Variants in JHY observed in about 807,000 individuals in gnomAD.
JHY encodes junctional cadherin complex regulator.
A neutral mutation model predicts 78.0 loss-of-function variants in JHY; 69 were observed. The ratio of observed to expected loss-of-function variants is 0.88; its 90% confidence interval spans 0.73 to 1.08. The LOEUF (loss-of-function observed/expected upper bound fraction) is 1.08, where lower values mean the gene tolerates loss of function less well. JHY is among the 50% of genes least tolerant of loss of function. The pLI, the probability that JHY is intolerant of heterozygous loss-of-function variation, is 0.00. For synonymous variants in JHY, 368 were observed against 342.6 expected (o/e 1.07, Z -0.82); for missense variants, 944 against 927.8 (o/e 1.02, Z -0.23).
chr11:122,944,918 C>G (rs1863934436), intron 5 of JHY, among the ~76,000 whole-genome samples: 1 of 151,682 alleles, frequency 6.6e-6, no homozygotes, highest in Non-Finnish European at 1.5e-5. Context: ...TAAGTGTTTC[C>G]TCTGGTTTTG....
intron 4 of JHY, among the ~76,000 whole-genome samples, chr11:122,933,649 T>A (rs1352387989): frequency 6.6e-6 from 1 of 152,222 alleles, no homozygotes; most frequent in African/African-American, 2.4e-5. Flanking sequence ...TTCACAGATG[T>A]CCTATCACAG....
At chr11:122,903,323 ATC>A (rs1862903018) in intron 2 of JHY, among the ~76,000 whole-genome samples, 1 of 152,206 alleles carries the variant, frequency 6.6e-6, no homozygotes, top group Non-Finnish European at 1.5e-5. Flanking sequence ...CATTATAGAT[ATC>A]TGTTTTTCAG....
At chr11:122,905,381 G>C in intron 3 of JHY, 1 of 1,490,686 alleles carries the variant, frequency 6.7e-7, no homozygotes, top group Non-Finnish European at 8.9e-7. Flanking sequence ...GCTAATGTGA[G>C]GTCATTTTCA....
chr11:122,943,392 C>T (rs1449544452), intron 5 of JHY, among the ~76,000 whole-genome samples: 1 of 152,096 alleles, frequency 6.6e-6, no homozygotes, highest in Non-Finnish European at 1.5e-5. Context: ...GTCAATGTAA[C>T]CAAATGTTCC....
At position 122,960,956 on chromosome 11, in the gene JHY, T is replaced by C. The variant is rs1864300926; in HGVS notation, c.*1511T>C. On this transcript the variant is annotated 3_prime_UTR_variant, in exon 9 of 9. Coordinates refer to ENST00000227349, the MANE Select transcript of JHY (RefSeq NM_024806.4). ...ATATATCTGTGCAGAACATGATGCG[T>C]TGAAAGGAACAAGAGCACATGATAA... 1.3e-6 allele frequency: 1 copy of C among 745,602 alleles called. No individual in the cohort carries two copies. The highest frequency in any genetic ancestry group is 2.5e-6 in the Non-Finnish European group (1 of 402,150). 46.2% of individuals were successfully genotyped at this position (745,602 alleles called of 1,614,324 possible). A position where few individuals can be genotyped will look rare whatever the true frequency, so the allele number is the denominator to read the frequency against.
chr11:122,885,022 G>T lies in JHY; in HGVS notation c.-89-739G>T, dbSNP rs116540718. ...ATGGGGTTTTGCCATGTTGCCCGGG[G>T]TGGTCTTGAACTCCTGGACTTAAGC... On this transcript the variant is annotated intron_variant, in intron 1 of 8. Coordinates refer to ENST00000227349, the MANE Select transcript of JHY (RefSeq NM_024806.4). Among the ~76,000 whole-genome samples, 988 of 150,830 alleles carry T rather than the reference G, an allele frequency of 6.6e-3. 18 individuals are homozygous for T. Among genetic ancestry groups the T allele is most frequent in the African/African-American group, 0.023 (941 of 40,996 alleles).
In JHY at chr11:122,926,373, C is replaced by G. The variant is rs534688407; in HGVS notation, c.978+1363C>G. On this transcript the variant is annotated intron_variant, in intron 4 of 8. Transcript: ENST00000227349. ...TAGAGCCTGTTGACATCAGTTAAAA[C>G]TATATACAGTGATAAACATAGTAAA... is the stretch of plus-strand genomic sequence containing the variant. Among the ~76,000 whole-genome samples, 294 of 152,182 alleles carry G rather than the reference C, an allele frequency of 1.9e-3. 3 individuals carry two copies. Among genetic ancestry groups the G allele is most frequent in the African/African-American group, 6.7e-3 (279 of 41,528 alleles).
Position 122,886,319 on chromosome 11 carries a change from C to T in JHY, c.344+126C>T, listed in dbSNP as rs1862496610. ...TGAGCGCCGTGTGTGAGACAGGTCT[C>T]CAAGCAGCCAAGGATAGCTGGGCAC... On this transcript the variant is annotated intron_variant, in intron 2 of 8. Coordinates refer to ENST00000227349, the MANE Select transcript of JHY (RefSeq NM_024806.4). 9 of 862,404 alleles carry T rather than the reference C, an allele frequency of 1.0e-5. 1 individual carries two copies. Among genetic ancestry groups the T allele is most frequent in the South Asian group, 6.0e-5 (3 of 49,604 alleles). The allele number at this position is 862,404 out of a possible 1,614,324, so 53.4% of individuals were successfully genotyped here. A position where few individuals can be genotyped will look rare whatever the true frequency, so the allele number is the denominator to read the frequency against.
At chr11:122,953,531 G>A (rs1474314331) in intron 6 of JHY, among the ~76,000 whole-genome samples, 3 of 151,674 alleles carry the variant, frequency 2.0e-5, no homozygotes, top group African/African-American at 7.3e-5. Context: ...GAAACTGGGA[G>A]GTGGAGGTTG....
At chr11:122,936,147 A>G (rs936000251) in intron 5 of JHY, among the ~76,000 whole-genome samples, 1 of 152,204 alleles carries the variant, frequency 6.6e-6, no homozygotes, top group African/African-American at 2.4e-5. Context: ...AAATTACTTC[A>G]GGCACCATTT....
chr11:122,961,084 T>G lies in JHY; in HGVS notation c.*1639T>G. ...AAGAAGACTCATGCACAGCCAGTTA[T>G]GTAAATGTATCTATCCCAATTGAGA... On this transcript the variant is annotated 3_prime_UTR_variant, in exon 9 of 9. Coordinates refer to ENST00000227349, the MANE Select transcript of JHY (RefSeq NM_024806.4). 9.8e-7 allele frequency: 1 copy of G among 1,015,558 alleles called. No homozygotes were observed. Among genetic ancestry groups the G allele is most frequent in the Non-Finnish European group, 1.5e-6 (1 of 653,224 alleles). 62.9% of individuals were successfully genotyped at this position (1,015,558 alleles called of 1,614,324 possible).
At chr11:122,908,691 G>A (rs544273110) in intron 3 of JHY, among the ~76,000 whole-genome samples, 5 of 152,188 alleles carry the variant, frequency 3.3e-5, no homozygotes, top group Non-Finnish European at 7.4e-5. Context: ...GGAGGCTCTT[G>A]GTTTGTTTTG....
intron 5 of JHY, among the ~76,000 whole-genome samples, chr11:122,937,668 C>T (rs757201521): frequency 1.2e-4 from 19 of 152,084 alleles, no homozygotes; most frequent in Non-Finnish European, 2.4e-4. Context: ...GACTGCGTTC[C>T]GCTGTTGTTG....
At chr11:122,889,182 G>A (rs147076878) in intron 2 of JHY, among the ~76,000 whole-genome samples, 14 of 152,276 alleles carry the variant, frequency 9.2e-5, no homozygotes, top group Non-Finnish European at 2.1e-4. Context: ...ACTTTTCTCT[G>A]ATAACTTGTG....
chr11:122,892,983 A>G lies in JHY; in HGVS notation c.344+6790A>G, dbSNP rs970099079. 3.3e-5 allele frequency among the ~76,000 whole-genome samples: 5 copies of G among 152,174 alleles called. No individual in the cohort carries two copies. The East Asian group carries it at 9.6e-4, about 29-fold the overall frequency. On this transcript the variant is annotated intron_variant, in intron 2 of 8. Coordinates refer to ENST00000227349, the MANE Select transcript of JHY (RefSeq NM_024806.4). ...ATGCTAGGACTATTGAGAACATTCT[A>G]GGAGCTTTCAGGAGTCAACTTTCAT...
At chr11:122,901,860 G>A (rs1207806128) in intron 2 of JHY, among the ~76,000 whole-genome samples, 13 of 149,452 alleles carry the variant, frequency 8.7e-5, no homozygotes, top group African/African-American at 2.7e-4. Flanking sequence ...GCGAAAGAGC[G>A]AGACTCTGTC....
At chr11:122,938,815 A>T (rs1157012017) in intron 5 of JHY, among the ~76,000 whole-genome samples, 1 of 151,452 alleles carries the variant, frequency 6.6e-6, no homozygotes, top group Admixed American at 6.6e-5. Context: ...TGTAGGTTTT[A>T]GGTCTTTTCT....
At chr11:122,884,857 TG>T (rs1591364254) in intron 1 of JHY, among the ~76,000 whole-genome samples, 2 of 152,114 alleles carry the variant, frequency 1.3e-5, no homozygotes, top group African/African-American at 4.8e-5. Context: ...TGGAGTGCAG[TG>T]GCACTCCAGC....
At chr11:122,899,296 C>T (rs1862796378) in intron 2 of JHY, among the ~76,000 whole-genome samples, 1 of 152,084 alleles carries the variant, frequency 6.6e-6, no homozygotes, top group Non-Finnish European at 1.5e-5. Flanking sequence ...TTCATCACAG[C>T]ATAAATATGG....
Sources: allele counts gnomAD v4.1 joint callset (sites outside exome capture counted in the v4.1 genomes callset), GRCh38; gene constraint gnomAD v4.1.1; transcripts MANE v1.5; gene names NCBI Gene and HGNC (gene_info 2026-07-23, HGNC 2026-07-21).